The following ZNF618 variants were observed in gnomAD, a reference collection of about 807,000 sequenced individuals.
The protein encoded by ZNF618 is zinc finger protein 618, also known as neural precursor cell expressed, developmentally down-regulated 10.
Under a neutral mutation model 103.0 loss-of-function variants are expected in ZNF618, and 34 were observed. The observed-to-expected ratio is 0.33, with a 90% CI of 0.25 to 0.44. ZNF618 has a LOEUF of 0.44. Among genes scored for constraint, ZNF618 ranks in the 20% least tolerant of loss-of-function variants. The pLI, the probability that ZNF618 is intolerant of heterozygous loss-of-function variation, is 1.00. For synonymous variants in ZNF618, 551 were observed against 542.2 expected (o/e 1.02, Z -0.23); for missense variants, 1,059 against 1,295.4 (o/e 0.82, Z 2.80).
chr9:113,958,232 C>T (rs814679), intron 1 of ZNF618, among the ~76,000 whole-genome samples: 9,153 of 152,182 alleles, frequency 0.06, 375 homozygotes, highest in African/African-American at 0.12. Context: ...GATTTGGACT[C>T]GGAGTATCTG....
chr9:113,902,482 C>T (rs1459177056), intron 1 of ZNF618, among the ~76,000 whole-genome samples: 1 of 152,176 alleles, frequency 6.6e-6, no homozygotes, highest in Admixed American at 6.5e-5. Context: ...CTCTGCTCCT[C>T]CCCTACCTCC....
intron 13 of ZNF618, 76 bp downstream of exon 13, chr9:114,036,453 T>C (rs1844619918): frequency 2.1e-6 from 3 of 1,460,070 alleles, no homozygotes; most frequent in Non-Finnish European, 2.8e-6. Context: ...GGGCCTGACC[T>C]GAGGCCCCTG....
intron 12 of ZNF618, among the ~76,000 whole-genome samples, chr9:114,034,997 T>G (rs1476729397): frequency 6.6e-6 from 1 of 152,172 alleles, no homozygotes; most frequent in Non-Finnish European, 1.5e-5. Flanking sequence ...CAGTAAACCT[T>G]GATCCTCTGA....
At chr9:113,996,808 C>T (rs1284605367) in intron 3 of ZNF618, among the ~76,000 whole-genome samples, 1 of 152,126 alleles carries the variant, frequency 6.6e-6, no homozygotes, top group Non-Finnish European at 1.5e-5. Context: ...GCTCTGCTGC[C>T]CTGTAGCATT....
At chr9:113,901,697 G>A (rs1333385772) in intron 1 of ZNF618, among the ~76,000 whole-genome samples, 1 of 152,088 alleles carries the variant, frequency 6.6e-6, no homozygotes, top group Non-Finnish European at 1.5e-5. Flanking sequence ...CCACTGCTTC[G>A]TGGCTGAACT....
intron 1 of ZNF618, among the ~76,000 whole-genome samples, chr9:113,958,786 C>G (rs557534473): frequency 5.0e-4 from 76 of 152,266 alleles, no homozygotes; most frequent in African/African-American, 1.7e-3. Context: ...TGCCTTAGCT[C>G]AGACCTCAGC....
chr9:114,039,855 C>T (rs1394245841), intron 13 of ZNF618, among the ~76,000 whole-genome samples: 1 of 152,190 alleles, frequency 6.6e-6, no homozygotes, highest in Non-Finnish European at 1.5e-5. Flanking sequence ...GAAATACCTG[C>T]TTTCTCCTGC....
intron 10 of ZNF618, among the ~76,000 whole-genome samples, chr9:114,025,869 A>G (rs1588386649): frequency 6.6e-6 from 1 of 152,202 alleles, no homozygotes; most frequent in African/African-American, 2.4e-5. Flanking sequence ...GCATTGATAC[A>G]TGGATTCCAC....
At chr9:114,033,191 C>G (rs796302386) in intron 12 of ZNF618, among the ~76,000 whole-genome samples, 4 of 152,266 alleles carry the variant, frequency 2.6e-5, no homozygotes, top group African/African-American at 9.6e-5. Flanking sequence ...GGGTGGGTCA[C>G]TTGAGGTCAG....
intron 1 of ZNF618, among the ~76,000 whole-genome samples, chr9:113,951,518 T>TATATGTGTATAC (rs1835718200): frequency 1.0e-4 from 3 of 28,694 alleles, no homozygotes; most frequent in East Asian, 1.9e-3. Context: ...TATGTGTGTA[T>TATATGTGTATAC]ATGTACACAT....
chr9:113,933,044 G>A (rs1833739507), intron 1 of ZNF618, among the ~76,000 whole-genome samples: 1 of 152,190 alleles, frequency 6.6e-6, no homozygotes, highest in Non-Finnish European at 1.5e-5. Flanking sequence ...TGCCAGAGGG[G>A]TCTTCAAAGC....
chr9:114,043,822 ATGTT>A (rs1391285581), intron 13 of ZNF618, among the ~76,000 whole-genome samples: 1 of 151,922 alleles, frequency 6.6e-6, no homozygotes, highest in Non-Finnish European at 1.5e-5. Context: ...ATTTTTTCAT[ATGTT>A]TGTTGGTCAT....
At chr9:113,973,283 A>G (rs2132922254) in intron 2 of ZNF618, among the ~76,000 whole-genome samples, 1 of 152,024 alleles carries the variant, frequency 6.6e-6, no homozygotes, top group Non-Finnish European at 1.5e-5. Flanking sequence ...ACCTTGAAGG[A>G]CCCCCAGCCC....
chr9:113,945,333 G>A (rs559920652), intron 1 of ZNF618, among the ~76,000 whole-genome samples: 3 of 152,194 alleles, frequency 2.0e-5, no homozygotes, highest in Non-Finnish European at 4.4e-5. Context: ...TTGTTGCCCC[G>A]TGGGATGCTG....
At chr9:113,928,603 G>A (rs1244721446) in intron 1 of ZNF618, among the ~76,000 whole-genome samples, 2 of 152,158 alleles carry the variant, frequency 1.3e-5, no homozygotes, top group African/African-American at 4.8e-5. Context: ...CGCTGTAGCT[G>A]GAGATGCCAG....
chr9:113,913,836 T>C (rs532231151), intron 1 of ZNF618, among the ~76,000 whole-genome samples: 1 of 152,164 alleles, frequency 6.6e-6, no homozygotes, highest in East Asian at 1.9e-4. Context: ...ATCTTAGAAG[T>C]TGAGGCTTGT....
At chr9:113,921,739 C>A (rs1449781511) in intron 1 of ZNF618, among the ~76,000 whole-genome samples, 1 of 152,184 alleles carries the variant, frequency 6.6e-6, no homozygotes, top group African/African-American at 2.4e-5. Flanking sequence ...TCTGAAGTGT[C>A]CCACAGATCA....
intron 3 of ZNF618, among the ~76,000 whole-genome samples, chr9:113,993,129 T>C (rs1840233328): frequency 6.6e-6 from 1 of 152,194 alleles, no homozygotes. Flanking sequence ...AACAGCTCTG[T>C]ACAGCAGCCC....
chr9:113,987,819 G>T (rs1363500485), intron 2 of ZNF618, among the ~76,000 whole-genome samples: 3 of 152,174 alleles, frequency 2.0e-5, no homozygotes, highest in Non-Finnish European at 4.4e-5. Context: ...GCAACATAGT[G>T]AGACCCATCT....
Sources: gnomAD v4.1 joint callset for allele counts (sites outside exome capture counted in the v4.1 genomes callset) on GRCh38, gnomAD v4.1.1 for gene constraint, MANE v1.5 for transcripts, NCBI Gene and HGNC (gene_info 2026-07-23, HGNC 2026-07-21) for gene names.